MCF2: variants seen among roughly 807,000 people sequenced by gnomAD.
MCF2 encodes the protein proto-oncogene DBL.
Under a neutral mutation model 82.5 loss-of-function variants are expected in MCF2, and 44 were observed. The observed-to-expected ratio is 0.53, with a 90% CI of 0.42 to 0.69. MCF2 has a LOEUF of 0.69. MCF2 is among the 30% of genes least tolerant of loss of function. The pLI is 0.00. For missense variants in MCF2, 623 were observed against 663.1 expected (o/e 0.94, Z 0.66); for synonymous variants, 217 against 224.9 (o/e 0.96, Z 0.32).
rs1932912780 is a variant in MCF2 at position 139,631,250 on chromosome X, T to A, written c.288+145A>T. The A allele has an allele frequency of 1.4e-5, 6 of 418,573 alleles. No homozygotes were observed. In the Admixed American group the frequency reaches 2.1e-4, roughly 15 times the overall value. The allele number at this position is 418,573 out of a possible 1,213,427, so 34.5% of individuals were successfully genotyped here. A position where few individuals can be genotyped will look rare whatever the true frequency, so the allele number is the denominator to read the frequency against. On this transcript the variant is annotated intron_variant, in intron 3 of 24. Coordinates refer to ENST00000370576, the Ensembl canonical transcript of MCF2. Reference sequence around the variant, plus strand: ...AAAACCAAGATGTTGAATTTATATGTATGTGAAAAATGAGGGCCCAGAAAG... The same window carrying A: ...AAAACCAAGATGTTGAATTTATATGAATGTGAAAAATGAGGGCCCAGAAAG...
intron 1 of MCF2, among the ~76,000 whole-genome samples, chrX:139,683,340 A>C (rs1935046922): frequency 8.9e-6 from 1 of 112,855 alleles, no homozygotes; most frequent in African/African-American, 3.2e-5. Context: ...CAAATATGTT[A>C]AATGTGAATG....
At chrX:139,703,045 G>T (rs1442156987) in intron 1 of MCF2, among the ~76,000 whole-genome samples, 1 of 112,091 alleles carries the variant, frequency 8.9e-6, no homozygotes, top group Non-Finnish European at 1.9e-5. Context: ...GTCCCAAATG[G>T]GGACCACTGC....
chrX:139,584,980 T>C (rs971393742), intron 24 of MCF2, 86 bp downstream of exon 28: 18 of 576,324 alleles, frequency 3.1e-5, no homozygotes, highest in Non-Finnish European at 4.4e-5. Flanking sequence ...TCAAGGATGC[T>C]GACAAAAGAT....
At chrX:139,643,536 C>G (rs1786858631), upstream of MCF2, among the ~76,000 whole-genome samples, 1 of 110,929 alleles carries the variant, frequency 9.0e-6, no homozygotes, top group Admixed American at 9.6e-5. Context: ...AAAGAAACAC[C>G]TAAAACAACC....
rs181176816 is a variant in MCF2, at chrX:139,668,311, T to A, written c.-44-16523A>T. On this transcript the variant is annotated intron_variant, in intron 1 of 27. Transcript: ENST00000414978. Reference sequence around the variant, plus strand: ...CTGGGTTCCAGGATACTGTGCAGTCTGTTAAAGGCTAAGACTGCAAATAGT... The same window carrying A: ...CTGGGTTCCAGGATACTGTGCAGTCAGTTAAAGGCTAAGACTGCAAATAGT... 4.5e-5 allele frequency among the ~76,000 whole-genome samples: 5 copies of A among 111,871 alleles called. No individual in the cohort carries two copies. The East Asian group carries it at 1.4e-3, about 32-fold the overall frequency.
chrX:139,605,633 T>C lies in MCF2; in HGVS notation c.1557+80A>G, dbSNP rs191084981. The C allele has an allele frequency of 6.5e-5, 54 of 837,184 alleles. No individual in the cohort carries two copies. In the African/African-American group the frequency reaches 9.9e-4, roughly 15 times the overall value. The allele number at this position is 837,184 out of a possible 1,213,427, so 69.0% of individuals were successfully genotyped here. A position where few individuals can be genotyped will look rare whatever the true frequency, so the allele number is the denominator to read the frequency against. Reference sequence around the variant, plus strand: ...CAAGGAAGGAGACGGAAGTAGAAGATTGCCCCTAAACACTTTCTAATGAAT... The same window carrying C: ...CAAGGAAGGAGACGGAAGTAGAAGACTGCCCCTAAACACTTTCTAATGAAT... On this transcript the variant is annotated intron_variant, in intron 13 of 24. Transcript: ENST00000370576.
intron 12 of MCF2, among the ~76,000 whole-genome samples, chrX:139,606,193 T>C (rs1306346120): frequency 1.0e-4 from 11 of 109,112 alleles, no homozygotes; most frequent in African/African-American, 3.7e-4. Context: ...GGGGGTAGCA[T>C]AGTTTATGAA....
intron 7 of MCF2, among the ~76,000 whole-genome samples, chrX:139,618,232 G>A (rs1426701148): frequency 9.1e-6 from 1 of 109,772 alleles, no homozygotes; most frequent in Non-Finnish European, 1.9e-5. Context: ...GTAGAGACTC[G>A]AACATAGTAG....
intron 22 of MCF2, 44 bp from the exon 27 acceptor site, chrX:139,586,531 T>C (rs771863292): frequency 1.3e-5 from 12 of 922,179 alleles, no homozygotes; most frequent in African/African-American, 1.9e-5. Context: ...TTGTACAGTT[T>C]ACAAGTAAAA....
chrX:139,627,089 A>T (rs1008099946), intron 4 of MCF2, among the ~76,000 whole-genome samples: 7 of 111,589 alleles, frequency 6.3e-5, no homozygotes, highest in Non-Finnish European at 1.3e-4. Flanking sequence ...CTATTCTGCT[A>T]ATATTTTATT....
chrX:139,707,757 T>A (rs1182175789), intron 1 of MCF2, among the ~76,000 whole-genome samples: 1 of 111,763 alleles, frequency 8.9e-6, no homozygotes, highest in Non-Finnish European at 1.9e-5. Flanking sequence ...TACTAATAGT[T>A]CCAGGTTTAC....
In MCF2 at chrX:139,663,729, T is replaced by C. The variant is rs1236962891; in HGVS notation, c.-44-11941A>G. 4.5e-5 allele frequency among the ~76,000 whole-genome samples: 5 copies of C among 110,699 alleles called. No individual in the cohort carries two copies. The Admixed American group carries it at 4.9e-4, about 11-fold the overall frequency. ...ATCGAATGTTTCTTTGTTGATTTTCTGGCTAGGTGATCTGTCTAATGCTGA... is the reference window on the plus strand; with the variant it reads ...ATCGAATGTTTCTTTGTTGATTTTCCGGCTAGGTGATCTGTCTAATGCTGA... On this transcript the variant is annotated intron_variant, in intron 1 of 27. Transcript: ENST00000414978.
chrX:139,664,248 C>G (rs966559208), intron 1 of MCF2, among the ~76,000 whole-genome samples: 1 of 110,190 alleles, frequency 9.1e-6, no homozygotes, highest in African/African-American at 3.3e-5. Context: ...AGTAATCTGC[C>G]TGCCTCGGCC....
At chrX:139,652,695 G>A (rs940008587) in intron 1 of MCF2, among the ~76,000 whole-genome samples, 2 of 110,855 alleles carry the variant, frequency 1.8e-5, no homozygotes, top group African/African-American at 3.3e-5. Flanking sequence ...TTGGCTTGTC[G>A]GTTTTAATGC....
rs1005802629 is a variant in MCF2, at chrX:139,697,755, T to C, written c.-45+10351A>G. ...TTTATAGATCTTCAATTTGTTGCCA[T>C]TTTAAAGGCCAAAACTTTCCTTTCA... On this transcript the variant is annotated intron_variant, in intron 1 of 27. Transcript: ENST00000414978. 2.7e-5 allele frequency among the ~76,000 whole-genome samples: 3 copies of C among 112,254 alleles called. No individual in the cohort carries two copies. In the Admixed American group the frequency reaches 2.8e-4, roughly 11 times the overall value.
intron 1 of MCF2, among the ~76,000 whole-genome samples, chrX:139,670,533 A>G (rs1018005114): frequency 9.1e-6 from 1 of 110,174 alleles, no homozygotes; most frequent in Non-Finnish European, 1.9e-5. Context: ...TCATTGTTCA[A>G]TTCCCACCTA....
chrX:139,629,222 G>T (rs1932841457), intron 4 of MCF2, among the ~76,000 whole-genome samples: 1 of 111,928 alleles, frequency 8.9e-6, no homozygotes, highest in African/African-American at 3.2e-5. Flanking sequence ...TGTACAGCAT[G>T]TTACTGTACT....
At chrX:139,591,077 G>A (rs900490380) in intron 19 of MCF2, among the ~76,000 whole-genome samples, 7 of 110,742 alleles carry the variant, frequency 6.3e-5, no homozygotes, top group African/African-American at 2.0e-4. Context: ...TTCATTACAT[G>A]GTTTTGTCTT....
intron 1 of MCF2, among the ~76,000 whole-genome samples, chrX:139,638,713 G>A (rs775003899): frequency 4.5e-5 from 5 of 111,621 alleles, no homozygotes; most frequent in African/African-American, 1.6e-4. Context: ...TAAACAAAAC[G>A]CATCTGTGCA....
Sources: allele counts gnomAD v4.1 joint callset (sites outside exome capture counted in the v4.1 genomes callset), GRCh38; gene constraint gnomAD v4.1.1; transcripts MANE v1.5; gene names NCBI Gene and HGNC (gene_info 2026-07-23, HGNC 2026-07-21).